Variants in DCDC1 observed in about 807,000 individuals in gnomAD.
The protein encoded by DCDC1 is doublecortin domain containing 1, also known as doublecortin domain-containing protein 1.
In DCDC1, 200 loss-of-function variants were observed where a neutral mutation model predicts 178.3. The ratio of observed to expected loss-of-function variants is 1.12; its 90% confidence interval spans 1.00 to 1.26. The LOEUF (loss-of-function observed/expected upper bound fraction) is 1.26, where lower values mean the gene tolerates loss of function less well. Among genes scored for constraint, DCDC1 ranks in the 50% most tolerant of loss-of-function variants. DCDC1 has a pLI of 0.00. For missense variants in DCDC1, 1,983 were observed against 1,749.2 expected, an observed-to-expected ratio of 1.13 and a Z score of -2.38; for synonymous variants, 690 against 604.8, an observed-to-expected ratio of 1.14 and a Z score of -2.07.
chr11:31,171,293 C>T (rs1251256297), intron 9 of DCDC1, among the ~76,000 whole-genome samples: 3 of 151,944 alleles, frequency 2.0e-5, no homozygotes, highest in Non-Finnish European at 4.4e-5. Context: ...ATTTCTGTTG[C>T]AACTACTCAA....
chr11:31,022,596 A>T (rs968874526), intron 20 of DCDC1, among the ~76,000 whole-genome samples: 4 of 150,658 alleles, frequency 2.7e-5, no homozygotes, highest in Non-Finnish European at 4.4e-5. Context: ...TATAACATAC[A>T]GATTGGTACC....
At chr11:30,904,519 C>T (rs1944924417) in intron 31 of DCDC1, 3 of 175,054 alleles carry the variant, frequency 1.7e-5, no homozygotes, top group Admixed American at 1.6e-4. Context: ...CCCCTGCTTC[C>T]CCAATTTGAA....
At chr11:31,085,514 C>T (rs1405705990) in intron 17 of DCDC1, among the ~76,000 whole-genome samples, 1 of 151,938 alleles carries the variant, frequency 6.6e-6, no homozygotes, top group Non-Finnish European at 1.5e-5. Context: ...GTTTTATTTT[C>T]TACTTTCCTT....
At chr11:30,883,549 G>A (rs1239037417) in intron 36 of DCDC1, 1 of 401,512 alleles carries the variant, frequency 2.5e-6, no homozygotes, top group East Asian at 8.4e-5. Context: ...TGAACAATAT[G>A]ACTAAGATTT....
At chr11:31,254,874 C>T (rs1463533630) in intron 8 of DCDC1, among the ~76,000 whole-genome samples, 1 of 152,154 alleles carries the variant, frequency 6.6e-6, no homozygotes, top group Non-Finnish European at 1.5e-5. Flanking sequence ...TGTGCAACCA[C>T]CACCTCTATA....
intron 7 of DCDC1, among the ~76,000 whole-genome samples, chr11:31,269,193 T>C (rs769196238): frequency 2.0e-5 from 3 of 152,162 alleles, no homozygotes; most frequent in Non-Finnish European, 4.4e-5. Flanking sequence ...TTAGTAGCAC[T>C]ATAAGTTTCT....
At chr11:30,991,136 T>TGTAA (rs1950955449) in intron 20 of DCDC1, among the ~76,000 whole-genome samples, 1 of 152,120 alleles carries the variant, frequency 6.6e-6, no homozygotes, top group Non-Finnish European at 1.5e-5. Context: ...GGAGGCTGGC[T>TGTAA]TGAAACAGCA....
chr11:31,238,929 A>C (rs1976775904), intron 9 of DCDC1, among the ~76,000 whole-genome samples: 1 of 152,102 alleles, frequency 6.6e-6, no homozygotes. Flanking sequence ...TAAAGTTAAA[A>C]ATTGAAAAAT....
At chr11:30,941,541 C>T (rs1235108996) in intron 21 of DCDC1, among the ~76,000 whole-genome samples, 2 of 152,108 alleles carry the variant, frequency 1.3e-5, no homozygotes, top group African/African-American at 4.8e-5. Flanking sequence ...CAGGTCTTTA[C>T]TCAAATATCA....
chr11:31,052,110 T>A (rs1955296140), intron 20 of DCDC1, among the ~76,000 whole-genome samples: 1 of 152,034 alleles, frequency 6.6e-6, no homozygotes, highest in Non-Finnish European at 1.5e-5. Flanking sequence ...AAGAGACTCA[T>A]CAACCACATA....
chr11:31,035,442 G>A lies in DCDC1; in HGVS notation c.2591+29027C>T, dbSNP rs745791230. On this transcript the variant is annotated intron_variant, in intron 20 of 38. Coordinates refer to ENST00000684477, the MANE Select transcript of DCDC1 (RefSeq NM_001387274.1). ...AGTAATTTCCCTTGTCTTTCATGACGTTTATGCTTTTGAAGAAAACTAATC... is the reference window on the plus strand; with the variant it reads ...AGTAATTTCCCTTGTCTTTCATGACATTTATGCTTTTGAAGAAAACTAATC... Among the ~76,000 whole-genome samples, 5 of 152,254 alleles carry A rather than the reference G, an allele frequency of 3.3e-5. No homozygotes were observed. The Middle Eastern group carries it at 0.01, about 311-fold the overall frequency.
chr11:31,236,912 A>G (rs547432222), intron 9 of DCDC1, among the ~76,000 whole-genome samples: 1 of 152,134 alleles, frequency 6.6e-6, no homozygotes, highest in Non-Finnish European at 1.5e-5. Flanking sequence ...TAAAGTATAT[A>G]CAGAAAATGA....
intron 1 of DCDC1, among the ~76,000 whole-genome samples, chr11:31,356,063 C>T (rs1951338260): frequency 6.6e-6 from 1 of 152,088 alleles, no homozygotes; most frequent in African/African-American, 2.4e-5. Flanking sequence ...TCTTTTCTTC[C>T]CCTCTTACCT....
At chr11:31,362,136 T>C (rs1327943425) in intron 1 of DCDC1, among the ~76,000 whole-genome samples, 4 of 152,174 alleles carry the variant, frequency 2.6e-5, no homozygotes, top group South Asian at 2.1e-4. Context: ...ATATGTAATA[T>C]ATAAATCAAC....
At chr11:31,194,886 C>G (rs949219285) in intron 9 of DCDC1, among the ~76,000 whole-genome samples, 3 of 152,062 alleles carry the variant, frequency 2.0e-5, no homozygotes, top group African/African-American at 7.2e-5. Flanking sequence ...CAGATATTTA[C>G]TGAGTATCAT....
chr11:31,292,488 T>C (rs1214252376), intron 6 of DCDC1, among the ~76,000 whole-genome samples: 1 of 152,050 alleles, frequency 6.6e-6, no homozygotes, highest in Admixed American at 6.5e-5. Context: ...CTCAAAAACA[T>C]GCTAAATGAA....
At chr11:30,993,512 CA>C (rs1407748532) in intron 20 of DCDC1, among the ~76,000 whole-genome samples, 1 of 151,928 alleles carries the variant, frequency 6.6e-6, no homozygotes, top group Non-Finnish European at 1.5e-5. Flanking sequence ...AACCAATGAA[CA>C]ACAGAGAAAA....
chr11:31,327,008 G>A (rs1949681699), intron 3 of DCDC1, among the ~76,000 whole-genome samples: 1 of 152,112 alleles, frequency 6.6e-6, no homozygotes, highest in Non-Finnish European at 1.5e-5. Context: ...GATAAATGCT[G>A]TAGTGTTAGA....
At chr11:31,105,509 G>C (rs1191160249) in intron 13 of DCDC1, among the ~76,000 whole-genome samples, 1 of 151,178 alleles carries the variant, frequency 6.6e-6, no homozygotes, top group African/African-American at 2.4e-5. Flanking sequence ...GGGCTTACTA[G>C]ATTACTCAAG....
Sources: gnomAD v4.1 joint callset for allele counts (sites outside exome capture counted in the v4.1 genomes callset) on GRCh38, gnomAD v4.1.1 for gene constraint, MANE v1.5 for transcripts, NCBI Gene and HGNC (gene_info 2026-07-23, HGNC 2026-07-21) for gene names.